LRRC4C: variants seen among roughly 807,000 people sequenced by gnomAD.
LRRC4C encodes leucine rich repeat containing 4C.
LRRC4C carries 5 observed loss-of-function variants against 33.6 expected under a neutral mutation model. That is an observed-to-expected ratio of 0.15 (90% CI 0.08 to 0.31). LRRC4C has a LOEUF of 0.31. LRRC4C is among the 10% of genes least tolerant of loss of function. The probability of loss-of-function intolerance (pLI) is 1.00; values close to 1 mark genes in which losing one functional copy is unlikely to be tolerated. For synonymous variants in LRRC4C, 329 were observed against 302.0 expected (o/e 1.09, Z -0.93); for missense variants, 560 against 796.7 (o/e 0.70, Z 3.58).
chr11:40,473,256 G>C (rs553551290), intron 3 of LRRC4C, among the ~76,000 whole-genome samples: 1 of 152,126 alleles, frequency 6.6e-6, no homozygotes, highest in East Asian at 1.9e-4. Context: ...TATCCACTAC[G>C]ATCAAGGCAC....
At chr11:40,685,820 CACAG>C (rs1163993307) in intron 2 of LRRC4C, among the ~76,000 whole-genome samples, 1 of 151,708 alleles carries the variant, frequency 6.6e-6, no homozygotes, top group African/African-American at 2.4e-5. Context: ...TGTATACAAA[CACAG>C]AGAGAGAGAG....
At chr11:41,053,346 G>A (rs1206496993) in intron 1 of LRRC4C, among the ~76,000 whole-genome samples, 1 of 152,200 alleles carries the variant, frequency 6.6e-6, no homozygotes, top group Admixed American at 6.5e-5. Context: ...GAGACCGGCT[G>A]CTGGCTAACA....
At chr11:41,004,969 CTGT>C (rs1376656853) in intron 1 of LRRC4C, among the ~76,000 whole-genome samples, 3 of 151,284 alleles carry the variant, frequency 2.0e-5, no homozygotes, top group South Asian at 2.1e-4. Context: ...TTCAGTTTTT[CTGT>C]TGTTGTTTTT....
rs184418601 is a variant in LRRC4C, at chr11:41,030,936, A to T, written c.-495-97213T>A. Among the ~76,000 whole-genome samples, 14 of 151,586 alleles carry T rather than the reference A, an allele frequency of 9.2e-5. No individual in the cohort carries two copies. The East Asian group carries it at 2.7e-3, about 30-fold the overall frequency. ...TTAAAAATGCATTTGCCCTCCTAAAATTTTTCTGGCTTTGAAAACCCTGTG... is the reference window on the plus strand; with the variant it reads ...TTAAAAATGCATTTGCCCTCCTAAATTTTTTCTGGCTTTGAAAACCCTGTG... On this transcript the variant is annotated intron_variant, in intron 1 of 6. Transcript: ENST00000528697.
chr11:41,444,122 G>T (rs761153848), intron 1 of LRRC4C, among the ~76,000 whole-genome samples: 27 of 152,070 alleles, frequency 1.8e-4, no homozygotes, highest in Non-Finnish European at 3.5e-4. Context: ...AAACAGACAA[G>T]CCAGTAGCTA....
At chr11:40,763,526 T>C (rs1341443881) in intron 2 of LRRC4C, among the ~76,000 whole-genome samples, 1 of 152,096 alleles carries the variant, frequency 6.6e-6, no homozygotes, top group Non-Finnish European at 1.5e-5. Flanking sequence ...ATTACCTGGT[T>C]CTAACATTAT....
intron 3 of LRRC4C, among the ~76,000 whole-genome samples, chr11:40,589,863 G>T (rs917766033): frequency 1.3e-5 from 2 of 149,558 alleles, no homozygotes; most frequent in Non-Finnish European, 3.0e-5. Flanking sequence ...AGTCTGATGG[G>T]CTTCCCTTTG....
intron 2 of LRRC4C, among the ~76,000 whole-genome samples, chr11:40,915,022 AC>A: frequency 6.6e-6 from 1 of 152,322 alleles, no homozygotes; most frequent in African/African-American, 2.4e-5. Flanking sequence ...AGAACTACAA[AC>A]CACTACTCAA....
At chr11:40,423,410 T>C (rs1468973816) in intron 3 of LRRC4C, among the ~76,000 whole-genome samples, 1 of 137,304 alleles carries the variant, frequency 7.3e-6, no homozygotes, top group East Asian at 2.5e-4. Context: ...AGTGGCGCCA[T>C]CTCGGCTCAC....
chr11:40,814,554 C>T (rs1452819443), intron 2 of LRRC4C, among the ~76,000 whole-genome samples: 1 of 151,996 alleles, frequency 6.6e-6, no homozygotes, highest in Non-Finnish European at 1.5e-5. Flanking sequence ...ACATTTGGTT[C>T]CTTGTTCCTT....
chr11:40,250,533 A>C (rs1359373900), intron 4 of LRRC4C, among the ~76,000 whole-genome samples: 1 of 151,944 alleles, frequency 6.6e-6, no homozygotes, highest in East Asian at 2.0e-4. Context: ...TGAAGTTAGG[A>C]GTTTGAGACC....
chr11:40,602,753 TA>T (rs1158484073), intron 3 of LRRC4C, among the ~76,000 whole-genome samples: 1 of 152,208 alleles, frequency 6.6e-6, no homozygotes, highest in African/African-American at 2.4e-5. Flanking sequence ...GGTCTTTAAA[TA>T]AAATAATCCG....
At chr11:40,399,074 T>C (rs982520216) in intron 3 of LRRC4C, among the ~76,000 whole-genome samples, 6 of 152,178 alleles carry the variant, frequency 3.9e-5, no homozygotes, top group Non-Finnish European at 5.9e-5. Flanking sequence ...ATCATACACT[T>C]AGAATGATTA....
intron 1 of LRRC4C, among the ~76,000 whole-genome samples, chr11:41,423,694 C>T (rs571069544): frequency 4.6e-5 from 7 of 152,206 alleles, no homozygotes; most frequent in African/African-American, 1.7e-4. Context: ...ACAGTCCATA[C>T]AGGACATAGC....
intron 1 of LRRC4C, among the ~76,000 whole-genome samples, chr11:41,306,036 A>AG (rs1462675297): frequency 2.9e-4 from 34 of 116,946 alleles, no homozygotes; most frequent in African/African-American, 9.6e-4. Context: ...AAAAAAAAAA[A>AG]AAAAGAAAGA....
In LRRC4C at chr11:40,606,199, C is replaced by T. The variant is rs142214154; in HGVS notation, c.-270+41943G>A. Among the ~76,000 whole-genome samples the T allele has an allele frequency of 1.9e-3, 294 of 152,126 alleles. 2 individuals are homozygous for T. The highest frequency in any genetic ancestry group is 6.7e-3 in the African/African-American group (279 of 41,492). ...AATGAAGCTTGGCAAATTCTAGAAGCCTAGGAGTTAGTGAAGGCAAAAGGG... is the reference window on the plus strand; with the variant it reads ...AATGAAGCTTGGCAAATTCTAGAAGTCTAGGAGTTAGTGAAGGCAAAAGGG... On this transcript the variant is annotated intron_variant, in intron 3 of 6. Transcript: ENST00000528697.
chr11:40,739,199 C>G (rs544878605), intron 2 of LRRC4C, among the ~76,000 whole-genome samples: 64 of 152,134 alleles, frequency 4.2e-4, no homozygotes, highest in South Asian at 1.9e-3. Context: ...ACCCTTTAAT[C>G]ACCATCTCCT....
At position 41,232,944 on chromosome 11, in the gene LRRC4C, T is replaced by G. The variant is rs570821732; in HGVS notation, c.-496+226487A>C. 2.6e-5 allele frequency among the ~76,000 whole-genome samples: 4 copies of G among 152,056 alleles called. No individual in the cohort carries two copies. The East Asian group carries it at 7.7e-4, about 29-fold the overall frequency. On this transcript the variant is annotated intron_variant, in intron 1 of 6. Coordinates refer to ENST00000528697, the MANE Select transcript of LRRC4C (RefSeq NM_001258419.2). ...TGAGCCTTCATTGAATGAACTCATG[T>G]TTTAATTTTAGCAACTTTGCATTTA...
chr11:40,160,460 A>T (rs1859063705), intron 5 of LRRC4C, among the ~76,000 whole-genome samples: 1 of 152,132 alleles, frequency 6.6e-6, no homozygotes, highest in Non-Finnish European at 1.5e-5. Flanking sequence ...GGGCATGAGA[A>T]CAGATGTTGA....
Sources: allele counts gnomAD v4.1 joint callset (sites outside exome capture counted in the v4.1 genomes callset), GRCh38; gene constraint gnomAD v4.1.1; transcripts MANE v1.5; gene names NCBI Gene and HGNC (gene_info 2026-07-23, HGNC 2026-07-21).